The following CHRM3 variants were observed in gnomAD, a reference collection of about 807,000 sequenced individuals.
CHRM3 encodes cholinergic receptor muscarinic 3.
A neutral mutation model predicts 41.8 loss-of-function variants in CHRM3; 11 were observed. That is an observed-to-expected ratio of 0.26 (90% CI 0.17 to 0.44). The LOEUF (loss-of-function observed/expected upper bound fraction) is 0.44. Ranked by LOEUF, CHRM3 falls within the 20% of genes least tolerant of loss-of-function variation. The probability of loss-of-function intolerance (pLI) is 1.00; values close to 1 mark genes in which losing one functional copy is unlikely to be tolerated. For synonymous variants in CHRM3, 297 were observed against 301.4 expected, an observed-to-expected ratio of 0.99 and a Z score of 0.15; for missense variants, 571 against 745.4, an observed-to-expected ratio of 0.77 and a Z score of 2.72.
chr1:239,889,168 AG>A (rs1558212710), intron 6 of CHRM3, among the ~76,000 whole-genome samples: 2 of 152,136 alleles, frequency 1.3e-5, no homozygotes, highest in South Asian at 2.1e-4. Context: ...AGTGGAATGC[AG>A]GGGGGTTTAT....
intron 4 of CHRM3, among the ~76,000 whole-genome samples, chr1:239,674,861 T>A (rs1427193428): frequency 6.6e-6 from 1 of 152,182 alleles, no homozygotes; most frequent in Non-Finnish European, 1.5e-5. Context: ...TGGTGTCTCC[T>A]TTACAAGACT....
chr1:239,492,846 C>G (rs1667641515), intron 2 of CHRM3, 39 bp downstream of exon 2: 5 of 152,202 alleles, frequency 3.3e-5, no homozygotes, highest in Admixed American at 3.3e-4. Flanking sequence ...TTCTCCAGGC[C>G]AATTTTCATC....
At chr1:239,877,231 G>T (rs983938675) in intron 6 of CHRM3, among the ~76,000 whole-genome samples, 13 of 152,028 alleles carry the variant, frequency 8.6e-5, no homozygotes, top group Non-Finnish European at 1.6e-4. Context: ...AAATATCAAG[G>T]CATTTTTCTT....
chr1:239,716,387 T>C (rs1015079388), intron 5 of CHRM3, among the ~76,000 whole-genome samples: 3 of 151,542 alleles, frequency 2.0e-5, no homozygotes, highest in South Asian at 2.1e-4. Context: ...TGAAGCAGAG[T>C]GGAGGTTCAA....
At chr1:239,433,766 A>C (rs1490130576) in intron 1 of CHRM3, among the ~76,000 whole-genome samples, 1 of 152,180 alleles carries the variant, frequency 6.6e-6, no homozygotes, top group African/African-American at 2.4e-5. Flanking sequence ...AGTTCCGTTC[A>C]GGTTGCTGCG....
chr1:239,862,992 A>C (rs1265469713), intron 6 of CHRM3, among the ~76,000 whole-genome samples: 4 of 152,340 alleles, frequency 2.6e-5, no homozygotes, highest in Non-Finnish European at 4.4e-5. Context: ...GTCAGATTAC[A>C]GAATCTGTTT....
chr1:239,665,941 A>G (rs758189713), intron 4 of CHRM3, among the ~76,000 whole-genome samples: 10 of 152,146 alleles, frequency 6.6e-5, no homozygotes, highest in African/African-American at 1.9e-4. Context: ...GGTTGGTTCC[A>G]AGTCTTTGCT....
chr1:239,572,673 T>G (rs1373458846), intron 3 of CHRM3, among the ~76,000 whole-genome samples: 1 of 152,232 alleles, frequency 6.6e-6, no homozygotes, highest in African/African-American at 2.4e-5. Flanking sequence ...TAACAGGGTT[T>G]TATAGTTTAT....
chr1:239,524,766 T>G (rs1295877440), intron 2 of CHRM3, among the ~76,000 whole-genome samples: 1 of 152,218 alleles, frequency 6.6e-6, no homozygotes, highest in Non-Finnish European at 1.5e-5. Flanking sequence ...TTTACCGTGC[T>G]GCACAGTTGC....
At chr1:239,661,215 C>G (rs1673163298) in intron 4 of CHRM3, among the ~76,000 whole-genome samples, 1 of 152,134 alleles carries the variant, frequency 6.6e-6, no homozygotes, top group South Asian at 2.1e-4. Context: ...TTGTGATTAC[C>G]CTTTTGTTAC....
chr1:239,488,526 T>A (rs1667335260), intron 1 of CHRM3, among the ~76,000 whole-genome samples: 1 of 151,578 alleles, frequency 6.6e-6, no homozygotes, highest in African/African-American at 2.4e-5. Context: ...CCATCCTGGC[T>A]AACAAAGTGA....
chr1:239,494,784 T>A (rs1667775322), intron 2 of CHRM3, among the ~76,000 whole-genome samples: 1 of 152,134 alleles, frequency 6.6e-6, no homozygotes, highest in Admixed American at 6.6e-5. Flanking sequence ...CACTTACAAG[T>A]GAGAACGTGT....
intron 5 of CHRM3, among the ~76,000 whole-genome samples, chr1:239,803,145 G>A (rs1670350710): frequency 6.6e-6 from 1 of 152,124 alleles, no homozygotes; most frequent in African/African-American, 2.4e-5. Context: ...ACATGGTGAA[G>A]GCTCTATTTT....
At chr1:239,773,523 G>A (rs1667853183) in intron 5 of CHRM3, among the ~76,000 whole-genome samples, 1 of 152,040 alleles carries the variant, frequency 6.6e-6, no homozygotes, top group African/African-American at 2.4e-5. Context: ...CATTCTCATT[G>A]CTTTGTATAA....
At chr1:239,906,944 C>T (rs1572655592) in intron 6 of CHRM3, among the ~76,000 whole-genome samples, 1 of 152,256 alleles carries the variant, frequency 6.6e-6, no homozygotes, top group East Asian at 1.9e-4. Context: ...TGGCATTGCT[C>T]ATTTTAGTAA....
At chr1:239,388,908 A>G (rs1419141060) in intron 1 of CHRM3, among the ~76,000 whole-genome samples, 1 of 152,230 alleles carries the variant, frequency 6.6e-6, no homozygotes, top group African/African-American at 2.4e-5. Flanking sequence ...TGGGCTAGAA[A>G]GCACGTTATT....
intron 3 of CHRM3, among the ~76,000 whole-genome samples, chr1:239,621,741 G>T (rs906682951): frequency 6.6e-5 from 10 of 152,300 alleles, no homozygotes; most frequent in Non-Finnish European, 1.2e-4. Context: ...AGCTAGCAGA[G>T]GTTGGTTCAT....
intron 5 of CHRM3, among the ~76,000 whole-genome samples, chr1:239,825,111 C>G (rs1274075127): frequency 6.6e-6 from 1 of 152,226 alleles, no homozygotes; most frequent in Non-Finnish European, 1.5e-5. Flanking sequence ...ATGGGACATA[C>G]AGTCCAGCGG....
intron 5 of CHRM3, among the ~76,000 whole-genome samples, chr1:239,758,875 G>A (rs2148633207): frequency 6.6e-6 from 1 of 152,316 alleles, no homozygotes; most frequent in African/African-American, 2.4e-5. Context: ...GACTGTCACA[G>A]AAATGTAAGT....
Sources: gnomAD v4.1 joint callset for allele counts (sites outside exome capture counted in the v4.1 genomes callset) on GRCh38, gnomAD v4.1.1 for gene constraint, MANE v1.5 for transcripts, NCBI Gene and HGNC (gene_info 2026-07-23, HGNC 2026-07-21) for gene names.